OVCH1: variants seen among roughly 807,000 people sequenced by gnomAD.
OVCH1 encodes ovochymase 1.
Under a neutral mutation model 138.4 loss-of-function variants are expected in OVCH1, and 139 were observed. That is an observed-to-expected ratio of 1.00 (90% CI 0.87 to 1.16). The LOEUF (loss-of-function observed/expected upper bound fraction) is 1.16, where lower values mean the gene tolerates loss of function less well. Ranked by LOEUF, OVCH1 falls within the 50% of genes most tolerant of loss-of-function variation. The pLI, the probability that OVCH1 is intolerant of heterozygous loss-of-function variation, is 0.00. For synonymous variants in OVCH1, 453 were observed against 467.8 expected (o/e 0.97, Z 0.41); for missense variants, 1,367 against 1,357.9 (o/e 1.01, Z -0.11).
chr12:29,460,688 T>C (rs927980388), intron 19 of OVCH1, among the ~76,000 whole-genome samples: 2 of 152,090 alleles, frequency 1.3e-5, no homozygotes, highest in African/African-American at 4.8e-5. Flanking sequence ...CTGAGTTTCC[T>C]GCAGGATTAA....
At chr12:29,453,831 T>C (rs145605713) in intron 21 of OVCH1, among the ~76,000 whole-genome samples, 1 of 152,222 alleles carries the variant, frequency 6.6e-6, no homozygotes, top group Non-Finnish European at 1.5e-5. Flanking sequence ...AACATACAAC[T>C]AAGCTAACTG....
At chr12:29,497,546 C>T in intron 1 of OVCH1, 77 bp downstream of exon 1, 3 of 1,552,766 alleles carry the variant, frequency 1.9e-6, no homozygotes, top group Non-Finnish European at 2.6e-6. Context: ...CTTCCTGAGG[C>T]AAGGAGTAAT....
chr12:29,437,076 C>T (rs559143290), intron 26 of OVCH1, among the ~76,000 whole-genome samples: 28 of 152,146 alleles, frequency 1.8e-4, no homozygotes, highest in South Asian at 6.2e-4. Flanking sequence ...CGATACAGAG[C>T]GCTGATTGGT....
chr12:29,495,147 C>A, intron 4 of OVCH1, 138 bp downstream of exon 4: 2 of 876,210 alleles, frequency 2.3e-6, no homozygotes, highest in Non-Finnish European at 3.4e-6. Flanking sequence ...AGGTTATAGA[C>A]CGAACAAAAT....
At chr12:29,494,638 CA>C (rs1943361688) in intron 4 of OVCH1, among the ~76,000 whole-genome samples, 1 of 151,986 alleles carries the variant, frequency 6.6e-6, no homozygotes, top group Non-Finnish European at 1.5e-5. Context: ...TATTCAGCCA[CA>C]AAAAGAATGA....
chr12:29,454,094 G>A (rs1219611298), intron 21 of OVCH1, among the ~76,000 whole-genome samples: 2 of 151,966 alleles, frequency 1.3e-5, no homozygotes, highest in South Asian at 2.1e-4. Context: ...ACCTGCACCG[G>A]TGCCTCAAGA....
chr12:29,489,776 A>T lies in OVCH1; in HGVS notation c.551-5T>A, dbSNP rs571825195. On this transcript the variant is annotated splice_region_variant and splice_polypyrimidine_tract_variant and intron_variant, in intron 5 of 27. Coordinates refer to ENST00000318184, the Ensembl canonical transcript of OVCH1. ...GGACATTTGAATATTCTGATGCTGTAGAGAGAGGACAGATAAGTTAGCACA... is the reference window on the plus strand; with the variant it reads ...GGACATTTGAATATTCTGATGCTGTTGAGAGAGGACAGATAAGTTAGCACA... The T allele has an allele frequency of 6.2e-7, 1 of 1,608,144 alleles. No homozygotes were observed. Among genetic ancestry groups the T allele is most frequent in the Non-Finnish European group, 8.5e-7 (1 of 1,177,100 alleles).
intron 6 of OVCH1, among the ~76,000 whole-genome samples, chr12:29,488,855 G>T (rs1240713555): frequency 1.3e-5 from 2 of 152,066 alleles, no homozygotes; most frequent in Non-Finnish European, 2.9e-5. Flanking sequence ...AGCACCTTTA[G>T]CCTATCTGTT....
At chr12:29,419,874 A>C (rs1941079667) in intron 3 of OVCH1, among the ~76,000 whole-genome samples, 1 of 152,202 alleles carries the variant, frequency 6.6e-6, no homozygotes, top group Admixed American at 6.5e-5. Context: ...AGTTTTGAAC[A>C]CATGAAAGTC....
chr12:29,471,767 G>A (rs375834836), intron 16 of OVCH1, 35 bp downstream of exon 16: 1 of 1,569,740 alleles, frequency 6.4e-7, no homozygotes, highest in Non-Finnish European at 8.6e-7. Flanking sequence ...AAATGCATGT[G>A]CTAAATAGGT....
At chr12:29,426,573 ATC>A (rs893000812), downstream of OVCH1, among the ~76,000 whole-genome samples, 3 of 152,198 alleles carry the variant, frequency 2.0e-5, no homozygotes, top group Admixed American at 6.5e-5. Flanking sequence ...CCAAACAGAT[ATC>A]TCTCTATAAA....
chr12:29,452,897 C>G (rs569152011), intron 21 of OVCH1, among the ~76,000 whole-genome samples: 5 of 152,262 alleles, frequency 3.3e-5, no homozygotes, highest in African/African-American at 1.2e-4. Context: ...CAAAGCAACA[C>G]CTTTCCGTAT....
At chr12:29,410,051 AC>A (rs1250601328), downstream of OVCH1, among the ~76,000 whole-genome samples, 2 of 152,144 alleles carry the variant, frequency 1.3e-5, no homozygotes, top group Non-Finnish European at 2.9e-5. Flanking sequence ...TGATCCCTTT[AC>A]CATTATGTAA....
At chr12:29,489,414 G>A (rs1188171566) in intron 6 of OVCH1, among the ~76,000 whole-genome samples, 1 of 152,178 alleles carries the variant, frequency 6.6e-6, no homozygotes, top group Non-Finnish European at 1.5e-5. Flanking sequence ...TAAAAGAAGT[G>A]TAGGGGTAGG....
exon 1 of OVCH1, chr12:29,497,650 G>A (rs762814304): frequency 2.5e-6 from 4 of 1,613,846 alleles, no homozygotes; most frequent in Non-Finnish European, 3.4e-6. Flanking sequence ...CCGATGACCA[G>A]CAACAGCAAC....
chr12:29,471,814 T>C, exon 16 of OVCH1: 1 of 1,610,490 alleles, frequency 6.2e-7, no homozygotes, highest in South Asian at 1.1e-5. Context: ...TTGCACACAG[T>C]GGGCTGCGGT....
chr12:29,432,917 G>A (rs982272992), intron 27 of OVCH1, among the ~76,000 whole-genome samples: 1 of 152,118 alleles, frequency 6.6e-6, no homozygotes, highest in African/African-American at 2.4e-5. Flanking sequence ...ACTTGTGGAA[G>A]TCATTGATAG....
chr12:29,424,638 C>G (rs1184120372), downstream of OVCH1, among the ~76,000 whole-genome samples: 4 of 152,196 alleles, frequency 2.6e-5, no homozygotes, highest in Non-Finnish European at 4.4e-5. Context: ...TGAACCAACT[C>G]TATCCCTTAT....
At chr12:29,437,940 C>T (rs1941394774) in intron 26 of OVCH1, among the ~76,000 whole-genome samples, 2 of 152,088 alleles carry the variant, frequency 1.3e-5, no homozygotes, top group Non-Finnish European at 2.9e-5. Context: ...CAGATTTTAG[C>T]TTTTCTATTA....
Sources: gnomAD v4.1 joint callset for allele counts (sites outside exome capture counted in the v4.1 genomes callset) on GRCh38, gnomAD v4.1.1 for gene constraint, MANE v1.5 for transcripts, NCBI Gene and HGNC (gene_info 2026-07-23, HGNC 2026-07-21) for gene names.